Variants in GSN observed in about 807,000 individuals in gnomAD.
GSN encodes the protein actin-depolymerizing factor.
Under a neutral mutation model 85.7 loss-of-function variants are expected in GSN, and 56 were observed. That is an observed-to-expected ratio of 0.65 (90% CI 0.53 to 0.82). The LOEUF (loss-of-function observed/expected upper bound fraction) is 0.82, where lower values mean the gene tolerates loss of function less well. Ranked by LOEUF, GSN falls within the 40% of genes least tolerant of loss-of-function variation. GSN has a pLI of 0.00. For synonymous variants in GSN, 373 were observed against 399.1 expected (o/e 0.93, Z 0.78); for missense variants, 857 against 979.8 (o/e 0.87, Z 1.67).
At chr9:121,211,746 T>C (rs2078141) in intron 4 of GSN, among the ~76,000 whole-genome samples, 52,828 of 151,992 alleles carry the variant, frequency 0.35, 11,209 homozygotes, top group East Asian at 0.6. Flanking sequence ...AGGACCACAG[T>C]CTTGCAGGGC....
At chr9:121,260,070 CGTGA>C (rs2055049714) in intron 6 of GSN, among the ~76,000 whole-genome samples, 2 of 152,216 alleles carry the variant, frequency 1.3e-5, no homozygotes, top group Admixed American at 6.5e-5. Context: ...AGAAGCTGAG[CGTGA>C]GTCTGGACTA....
intron 5 of GSN, 179 bp from the exon 6 acceptor site, chr9:121,312,159 TG>T: frequency 1.6e-6 from 1 of 639,972 alleles, no homozygotes; most frequent in South Asian, 1.9e-5. Context: ...TCTCCTGGTG[TG>T]TGCAGATCAC....
intron 5 of GSN, among the ~76,000 whole-genome samples, chr9:121,235,440 C>G (rs1291341016): frequency 6.6e-6 from 1 of 152,210 alleles, no homozygotes; most frequent in Non-Finnish European, 1.5e-5. Flanking sequence ...AAGGGCTGGT[C>G]GTTCCTATTC....
chr9:121,253,929 C>T (rs1484716031), intron 6 of GSN, among the ~76,000 whole-genome samples: 2 of 152,186 alleles, frequency 1.3e-5, no homozygotes, highest in Non-Finnish European at 1.5e-5. Context: ...GGGTGACCCT[C>T]CCTTCACTTT....
At position 121,277,659 on chromosome 9, in the gene GSN, A is replaced by G. The variant is rs2056839257; in HGVS notation, c.-102-3811A>G. Among the ~76,000 whole-genome samples the G allele has an allele frequency of 3.3e-5, 5 of 152,134 alleles. 1 individual carries two copies. The South Asian group carries it at 1.0e-3, about 31-fold the overall frequency. ...CTAGAATCTGAACAGCCCTTAAAATACTTTGCTGCTTAATTATGTAGCAAA... is the reference window on the plus strand; with the variant it reads ...CTAGAATCTGAACAGCCCTTAAAATGCTTTGCTGCTTAATTATGTAGCAAA... On this transcript the variant is annotated intron_variant, in intron 1 of 17. Transcript: ENST00000432226.
At chr9:121,238,934 T>G in intron 5 of GSN, 1 of 537,068 alleles carries the variant, frequency 1.9e-6, no homozygotes, top group African/African-American at 1.9e-5. Flanking sequence ...CCTTCTCCAA[T>G]AGCAGACTTC....
chr9:121,276,614 C>T (rs2056708258), intron 1 of GSN, among the ~76,000 whole-genome samples: 1 of 152,240 alleles, frequency 6.6e-6, no homozygotes, highest in Non-Finnish European at 1.5e-5. Context: ...TCGCCTGGCT[C>T]TACCCTCTCA....
chr9:121,301,443 A>G (rs1006912890), intron 2 of GSN, among the ~76,000 whole-genome samples: 6 of 152,176 alleles, frequency 3.9e-5, no homozygotes, highest in Admixed American at 1.3e-4. Context: ...CCTGACCAAC[A>G]TGGCGAAACC....
intron 4 of GSN, among the ~76,000 whole-genome samples, chr9:121,307,449 G>A (rs2060534974): frequency 6.6e-6 from 1 of 152,134 alleles, no homozygotes; most frequent in African/African-American, 2.4e-5. Flanking sequence ...ATTATGTCCA[G>A]GTGAATGAAG....
At chr9:121,326,724 T>A in intron 13 of GSN, 42 bp downstream of exon 13, 1 of 1,523,620 alleles carries the variant, frequency 6.6e-7, no homozygotes, top group Non-Finnish European at 9.1e-7. Context: ...TTGGCCTCCC[T>A]GAAACCTCCC....
At chr9:121,233,712 C>G (rs1006905678) in intron 5 of GSN, among the ~76,000 whole-genome samples, 2 of 152,140 alleles carry the variant, frequency 1.3e-5, no homozygotes, top group African/African-American at 4.8e-5. Flanking sequence ...TTTAAAGCCA[C>G]AAAGTTTTGG....
rs141329417 is a variant in GSN at position 121,312,148 on chromosome 9, A to G, written c.514-191A>G. ...TTCCTGTCCTCAGACATGCGCTCCC[A>G]TCTCCTGGTGTGTGCAGATCACACT... is the stretch of plus-strand genomic sequence containing the variant. On this transcript the variant is annotated intron_variant, in intron 5 of 17. Transcript: ENST00000432226. 5.6e-5 allele frequency: 33 copies of G among 592,236 alleles called. No homozygotes were observed. The East Asian group carries it at 9.5e-4, about 17-fold the overall frequency. The allele number at this position is 592,236 out of a possible 1,614,324, so 36.7% of individuals were successfully genotyped here.
chr9:121,313,194 TCTGA>T (rs1428702252), intron 6 of GSN: 2 of 155,354 alleles, frequency 1.3e-5, no homozygotes, highest in Non-Finnish European at 2.9e-5. Context: ...TCTTTTCTCT[TCTGA>T]CTATTTCTGG....
intron 5 of GSN, among the ~76,000 whole-genome samples, chr9:121,232,060 C>G (rs2054400394): frequency 6.6e-6 from 1 of 152,152 alleles, no homozygotes; most frequent in African/African-American, 2.4e-5. Flanking sequence ...GAGCGAGACT[C>G]TGTCTCAAAT....
chr9:121,210,863 A>G (rs1225344391), exon 4 of GSN: 1 of 152,202 alleles, frequency 6.6e-6, no homozygotes, highest in East Asian at 1.9e-4. Context: ...CAATTATACC[A>G]CAAGGTAAGT....
chr9:121,332,781 C>T lies in GSN; in HGVS notation c.*178C>T. 1 of 593,962 alleles carries T rather than the reference C, an allele frequency of 1.7e-6. No individual in the cohort carries two copies. The highest frequency in any genetic ancestry group is 3.0e-6 in the Non-Finnish European group (1 of 336,104). The allele number at this position is 593,962 out of a possible 1,614,324, so 36.8% of individuals were successfully genotyped here. Reference sequence around the variant, plus strand: ...GCCCTGCAAAAATTCAGAGTCCTTGCAAAATTGTCTAAAATGTCAGTGTTT... The same window carrying T: ...GCCCTGCAAAAATTCAGAGTCCTTGTAAAATTGTCTAAAATGTCAGTGTTT... On this transcript the variant is annotated 3_prime_UTR_variant, in exon 18 of 18. Coordinates refer to ENST00000432226, the MANE Select transcript of GSN (RefSeq NM_198252.3). This position sits in a 1 kb window ranked among gnomAD's most constrained non-coding sequence, Gnocchi z 4.8.
At chr9:121,237,071 G>A (rs991152625) in intron 5 of GSN, among the ~76,000 whole-genome samples, 1 of 152,160 alleles carries the variant, frequency 6.6e-6, no homozygotes, top group Non-Finnish European at 1.5e-5. Flanking sequence ...TGGAAACTCA[G>A]TAAAGGTCAC....
chr9:121,250,152 T>A (rs2132235162), intron 6 of GSN, among the ~76,000 whole-genome samples: 1 of 152,114 alleles, frequency 6.6e-6, no homozygotes, highest in Middle Eastern at 3.4e-3. Context: ...AATGACTATA[T>A]CTTCTGGAAG....
intron 5 of GSN, chr9:121,239,716 GT>G: frequency 3.3e-6 from 1 of 304,272 alleles, no homozygotes; most frequent in Non-Finnish European, 6.5e-6. Flanking sequence ...CTGTCAATGG[GT>G]TTTTCCCGAT....
Sources: allele counts gnomAD v4.1 joint callset (sites outside exome capture counted in the v4.1 genomes callset), GRCh38; gene constraint gnomAD v4.1.1; non-coding constraint Gnocchi (gnomAD v3.1); transcripts MANE v1.5; gene names NCBI Gene and HGNC (gene_info 2026-07-23, HGNC 2026-07-21).